Variants in SNIP1 observed in about 807,000 individuals in gnomAD.
SNIP1 encodes Smad nuclear interacting protein 1.
In SNIP1, 23 loss-of-function variants were observed where a neutral mutation model predicts 37.4. The ratio of observed to expected loss-of-function variants is 0.61; its 90% CI spans 0.44 to 0.87. The LOEUF (loss-of-function observed/expected upper bound fraction) is 0.87, where lower values mean the gene tolerates loss of function less well. SNIP1 is among the 40% of genes least tolerant of loss of function. SNIP1 has a pLI of 0.00. For missense variants in SNIP1, 459 were observed against 540.4 expected (o/e 0.85, Z 1.49); for synonymous variants, 174 against 200.0 (o/e 0.87, Z 1.10).
chr1:37,549,373 C>T (rs1482154859), intron 2 of SNIP1, among the ~76,000 whole-genome samples: 1 of 152,026 alleles, frequency 6.6e-6, no homozygotes, highest in Non-Finnish European at 1.5e-5. Flanking sequence ...CAATTATTGC[C>T]CCCAAACGCC....
At chr1:37,553,896 A>T in intron 1 of SNIP1, 110 bp downstream of exon 1, 2 of 1,104,706 alleles carry the variant, frequency 1.8e-6, no homozygotes, top group Non-Finnish European at 2.6e-6. Flanking sequence ...CCTCAGGATT[A>T]AGTCCGGGCT....
intron 2 of SNIP1, among the ~76,000 whole-genome samples, chr1:37,544,111 T>C (rs1433504558): frequency 6.8e-6 from 1 of 147,014 alleles, no homozygotes; most frequent in Non-Finnish European, 1.5e-5. Flanking sequence ...GCCACTGCAT[T>C]GTAGCCTGAA....
chr1:37,540,723 C>T lies in SNIP1; in HGVS notation c.360G>A (p.Glu120=), dbSNP rs1361205550. ...EREDHPRRGR[E]DRQHREPSEQ... ...CTGATGGTTCCCTGTGCTGCCGATC[C>T]TCCCGTCCTCTCCGGGGATGATCCT... Residue 120 remains glutamate, a synonymous_variant, in exon 3 of 4, where the codon GAG becomes GAA. Coordinates refer to ENST00000296215, the MANE Select transcript of SNIP1 (RefSeq NM_024700.4). This position sits in a 1 kb window ranked among gnomAD's most constrained non-coding sequence, Gnocchi z 5.6. 1.2e-6 allele frequency: 2 copies of T among 1,610,560 alleles called. No individual in the cohort carries two copies. The highest frequency in any genetic ancestry group is 1.1e-5 in the South Asian group (1 of 91,020).
chr1:37,535,574 A>G lies in SNIP1; in HGVS notation c.*2174T>C, dbSNP rs147339861. ...CCACCAGGATGAAGTTTGTAGCAAA[A>G]CTCAAGGCTACCACAAAGTAGTGCT... On this transcript the variant is annotated 3_prime_UTR_variant, in exon 4 of 4. Transcript: ENST00000296215. 6.6e-5 allele frequency: 10 copies of G among 152,184 alleles called. No individual in the cohort carries two copies. The East Asian group carries it at 9.7e-4, about 15-fold the overall frequency. 9.4% of individuals were successfully genotyped at this position (152,184 alleles called of 1,614,324 possible).
intron 1 of SNIP1, 124 bp from the exon 2 acceptor site, chr1:37,552,871 T>C: frequency 1.3e-6 from 1 of 773,004 alleles, no homozygotes; most frequent in Admixed American, 2.1e-5. Flanking sequence ...GCCGGTCACA[T>C]TAAAGGAGTC....
Position 37,554,150 on chromosome 1 carries a change from AC to A in SNIP1, c.79del (p.Val27TrpfsTer3). The A allele has an allele frequency of 6.3e-7, 1 of 1,596,476 alleles. No individual in the cohort carries two copies. The highest frequency in any genetic ancestry group is 8.5e-7 in the Non-Finnish European group (1 of 1,172,332). ...RDGDVVLPAG[V>X]VVKQERLSPE... ...GCTGAGACGCTCCTGCTTCACCACC[AC>A]CCCCGCCGGCAGCACCACGTCCCCG... On this transcript the variant is annotated frameshift_variant, in exon 1 of 4. Coordinates refer to ENST00000296215, the MANE Select transcript of SNIP1 (RefSeq NM_024700.4). LOFTEE classifies it high-confidence loss of function.
Position 37,553,994 on chromosome 1 carries a change from T to C in SNIP1, c.224+12A>G. 2 of 1,554,604 alleles carry C rather than the reference T, an allele frequency of 1.3e-6. No individual in the cohort carries two copies. The highest frequency in any genetic ancestry group is 2.4e-5 in the South Asian group (2 of 84,872). ...CAACCCAATGTCCATCCTGGACTGC[T>C]CCCCCACTTACCGGCTAACTCCTCG... On this transcript the variant is annotated intron_variant, in intron 1 of 3. Coordinates refer to ENST00000296215, the MANE Select transcript of SNIP1 (RefSeq NM_024700.4).
chr1:37,544,792 C>G (rs539317629), intron 2 of SNIP1: 1 of 740,278 alleles, frequency 1.4e-6, no homozygotes, highest in Admixed American at 1.7e-5. Flanking sequence ...CTCGCAGGTG[C>G]GCCAGAACTA....
chr1:37,540,917 T>C lies in SNIP1; in HGVS notation c.328-162A>G, dbSNP rs1643167541. On this transcript the variant is annotated intron_variant, in intron 2 of 3. Transcript: ENST00000296215. The surrounding 1 kb of genome is among the most constrained non-coding windows in gnomAD (Gnocchi z 5.6). ...GAAATAAGATTATGTCTGGTGGTTA[T>C]GTTCCCTCGCAAGGCCACAAAGATG... The C allele has an allele frequency of 1.5e-6, 1 of 653,518 alleles. No individual in the cohort carries two copies. The highest frequency in any genetic ancestry group is 2.3e-5 in the South Asian group (1 of 43,938). The allele number at this position is 653,518 out of a possible 1,614,324, so 40.5% of individuals were successfully genotyped here. A position where few individuals can be genotyped will look rare whatever the true frequency, so the allele number is the denominator to read the frequency against.
chr1:37,542,381 G>C (rs77572876), intron 2 of SNIP1, among the ~76,000 whole-genome samples: 2,275 of 152,306 alleles, frequency 0.015, 78 homozygotes, highest in Admixed American at 0.082. Flanking sequence ...GATGCAGAAA[G>C]TGAAACCACA....
chr1:37,546,902 A>G (rs971716919), intron 2 of SNIP1, among the ~76,000 whole-genome samples: 23 of 152,166 alleles, frequency 1.5e-4, no homozygotes, highest in African/African-American at 3.9e-4. Flanking sequence ...TAATCACTCT[A>G]TCCTCAACAC....
At chr1:37,545,207 G>T in intron 2 of SNIP1, 1 of 682,994 alleles carries the variant, frequency 1.5e-6, no homozygotes, top group South Asian at 1.4e-5. Context: ...GTGACCATGT[G>T]ACCAACTTGC....
rs1643080507 is a variant in SNIP1 at position 37,535,511 on chromosome 1, C to A, written c.*2237G>T. 6.6e-6 allele frequency: 1 copy of A among 152,062 alleles called. No individual in the cohort carries two copies. 9.4% of individuals were successfully genotyped at this position (152,062 alleles called of 1,614,324 possible). A position where few individuals can be genotyped will look rare whatever the true frequency, so the allele number is the denominator to read the frequency against. On this transcript the variant is annotated 3_prime_UTR_variant, in exon 4 of 4. Transcript: ENST00000296215. ...CTGACTAAACAATTAGGACTTCTTA[C>A]TGAAAAATGTAGGCAAAGTGGTCAT...
intron 2 of SNIP1, chr1:37,545,165 T>G: frequency 1.4e-6 from 1 of 713,058 alleles, no homozygotes; most frequent in Non-Finnish European, 2.6e-6. Flanking sequence ...ACACATTACC[T>G]GAATGAGCAG....
rs577328748 is a variant in SNIP1 at position 37,547,597 on chromosome 1, G to A, written c.327+5048C>T. On this transcript the variant is annotated intron_variant, in intron 2 of 3. Coordinates refer to ENST00000296215, the MANE Select transcript of SNIP1 (RefSeq NM_024700.4). ...AAAAATACAAAAATTAGCCGGGCAT[G>A]GTGGCACGTGCCTGTAATCCTAGCT... is the stretch of plus-strand genomic sequence containing the variant. 2.0e-4 allele frequency among the ~76,000 whole-genome samples: 30 copies of A among 151,994 alleles called. 2 individuals carry two copies. The South Asian group carries it at 6.0e-3, about 31-fold the overall frequency.
chr1:37,540,371 T>C lies in SNIP1; in HGVS notation c.712A>G (p.Thr238Ala), dbSNP rs1403785760. 4 of 1,614,070 alleles carry C rather than the reference T, an allele frequency of 2.5e-6. No individual in the cohort carries two copies. The highest frequency in any genetic ancestry group is 2.5e-6 in the Non-Finnish European group (3 of 1,180,012). ...LSGALLEDTN[T>A]FRGVVIKYSE... ...TATTTAATGACTACACCCCGGAAAG[T>C]GTTGGTGTCCTCAAGAAGTGCCCCA... The change falls in exon 3 of 4, where the codon ACT (threonine) becomes GCT (alanine). Residue 238 changes from threonine to alanine, a missense_variant. Transcript: ENST00000296215. The surrounding 1 kb of genome is among the most constrained non-coding windows in gnomAD (Gnocchi z 5.6).
chr1:37,540,072 G>A lies in SNIP1; in HGVS notation c.926+85C>T. 5 of 1,205,202 alleles carry A rather than the reference G, an allele frequency of 4.1e-6. No individual in the cohort carries two copies. The highest frequency in any genetic ancestry group is 5.9e-6 in the Non-Finnish European group (5 of 851,718). 74.7% of individuals were successfully genotyped at this position (1,205,202 alleles called of 1,614,324 possible). On this transcript the variant is annotated intron_variant, in intron 3 of 3. Transcript: ENST00000296215. The surrounding 1 kb of genome is among the most constrained non-coding windows in gnomAD (Gnocchi z 5.6). ...CATATGAGGGGTATGGGATTCTTCT[G>A]CATAAACATGAACAAAAATCTTAGT...
intron 2 of SNIP1, among the ~76,000 whole-genome samples, chr1:37,550,996 G>A (rs1643293518): frequency 6.6e-6 from 1 of 150,944 alleles, no homozygotes; most frequent in Non-Finnish European, 1.5e-5. Flanking sequence ...TCAGGAGGCT[G>A]AGGCAGGAGA....
Position 37,537,719 on chromosome 1 carries a change from G to A in SNIP1, c.*29C>T, listed in dbSNP as rs769906071. On this transcript the variant is annotated 3_prime_UTR_variant, in exon 4 of 4. Transcript: ENST00000296215. ...ATCAAAGACTTCCAAGAAGGAAACC[G>A]TGTATCAATAGTTTGGGTTCTTAGT... 52 of 1,598,576 alleles carry A rather than the reference G, an allele frequency of 3.3e-5. No homozygotes were observed. In the Admixed American group the frequency reaches 4.8e-4, roughly 15 times the overall value.
Sources: gnomAD v4.1 joint callset for allele counts (sites outside exome capture counted in the v4.1 genomes callset) on GRCh38, gnomAD v4.1.1 for gene constraint, Gnocchi (gnomAD v3.1) non-coding constraint, MANE v1.5 for transcripts, NCBI Gene and HGNC (gene_info 2026-07-23, HGNC 2026-07-21) for gene names.